The following SPTB variants were observed in gnomAD, a reference collection of about 807,000 sequenced individuals.
The protein encoded by SPTB is spectrin beta, erythrocytic.
A neutral mutation model predicts 256.2 loss-of-function variants in SPTB; 45 were observed. The ratio of observed to expected loss-of-function variants is 0.18; its 90% confidence interval spans 0.14 to 0.23. The LOEUF (loss-of-function observed/expected upper bound fraction) is 0.23, where lower values mean the gene tolerates loss of function less well. Among genes scored for constraint, SPTB ranks in the 10% least tolerant of loss-of-function variants. The pLI, the probability that SPTB is intolerant of heterozygous loss-of-function variation, is 1.00. For synonymous variants in SPTB, 1,231 were observed against 1,243.1 expected (o/e 0.99, Z 0.21); for missense variants, 2,715 against 3,040.4 (o/e 0.89, Z 2.52).
At chr14:64,788,855 T>C (rs964512985) in intron 15 of SPTB, among the ~76,000 whole-genome samples, 3 of 152,364 alleles carry the variant, frequency 2.0e-5, no homozygotes, top group South Asian at 2.1e-4. Flanking sequence ...AGTCTAGGTT[T>C]GGTCCTGGGC....
Position 64,801,356 on chromosome 14 carries a change from C to A in SPTB, c.692G>T (p.Arg231Leu). 2 of 1,614,166 alleles carry A rather than the reference C, an allele frequency of 1.2e-6. No individual in the cohort carries two copies. Among genetic ancestry groups the A allele is most frequent in the Non-Finnish European group, 1.7e-6 (2 of 1,180,014 alleles). ...ATTGAATGCGTGCTCCAGGTTGTGC[C>A]GGGCATTGGAGTCCTTCAGCTTATC... The part of the protein sequence containing the change: ...DFDKLKDSNA[R>L]HNLEHAFNVA... Residue 231 changes from arginine to leucine, a missense_variant, in exon 7 of 36, where the codon CGG becomes CTG. By Grantham distance (102) the Arg-to-Leu change is moderately radical. Transcript: ENST00000644917.
At chr14:64,810,137 A>T (rs1314289029) in intron 2 of SPTB, among the ~76,000 whole-genome samples, 1 of 152,184 alleles carries the variant, frequency 6.6e-6, no homozygotes, top group Non-Finnish European at 1.5e-5. Context: ...TTATAGTAAA[A>T]CTGTGTTGTA....
intron 33 of SPTB, among the ~76,000 whole-genome samples, chr14:64,751,964 C>T (rs571460147): frequency 4.4e-5 from 6 of 135,946 alleles, no homozygotes; most frequent in Admixed American, 2.2e-4. Context: ...CGTGGTGGCA[C>T]GTGCCTGTAA....
intron 1 of SPTB, among the ~76,000 whole-genome samples, chr14:64,869,799 C>T (rs2357866): frequency 0.81 from 114,074 of 141,164 alleles, 47,379 homozygotes; most frequent in Non-Finnish European, 0.91. Flanking sequence ...TTTTTTTTTT[C>T]TTTTTAATTT....
At chr14:64,811,055 G>A (rs569773982) in intron 2 of SPTB, among the ~76,000 whole-genome samples, 17 of 152,108 alleles carry the variant, frequency 1.1e-4, no homozygotes, top group Non-Finnish European at 1.8e-4. Context: ...TGAGGCTGTC[G>A]TGAGCTATGA....
intron 32 of SPTB, 21 bp from the exon 33 acceptor site, chr14:64,753,814 A>G (rs1299261065): frequency 1.9e-6 from 3 of 1,610,620 alleles, no homozygotes; most frequent in Non-Finnish European, 2.5e-6. Context: ...CATAGGGAGG[A>G]GCACACCTTT....
At chr14:64,836,826 T>A (rs566641869) in intron 1 of SPTB, among the ~76,000 whole-genome samples, 1 of 152,346 alleles carries the variant, frequency 6.6e-6, no homozygotes, top group African/African-American at 2.4e-5. Flanking sequence ...ACTATCCACC[T>A]TCCTAAGGAG....
intron 2 of SPTB, among the ~76,000 whole-genome samples, chr14:64,815,946 G>C (rs984253955): frequency 5.9e-5 from 9 of 152,212 alleles, no homozygotes; most frequent in African/African-American, 2.2e-4. Context: ...TGACGGAAGA[G>C]TGATATTGCC....
chr14:64,766,640 C>T (rs1474253174), intron 32 of SPTB, 86 bp downstream of exon 32: 3 of 1,612,206 alleles, frequency 1.9e-6, no homozygotes, highest in Admixed American at 3.3e-5. Context: ...CTCATCTCGC[C>T]TCCACCTGGG....
intron 1 of SPTB, among the ~76,000 whole-genome samples, chr14:64,875,768 T>C (rs1274556447): frequency 6.6e-6 from 1 of 152,230 alleles, no homozygotes; most frequent in East Asian, 1.9e-4. Flanking sequence ...CCATATGGTT[T>C]CAGAACCCAG....
At chr14:64,860,733 GCC>G (rs2083953632) in intron 1 of SPTB, among the ~76,000 whole-genome samples, 1 of 152,140 alleles carries the variant, frequency 6.6e-6, no homozygotes, top group Admixed American at 6.5e-5. Context: ...AAAAGTCCCT[GCC>G]CTAAAGAAAT....
In SPTB at chr14:64,790,040, T is replaced by TA. The variant is rs1489792859; in HGVS notation, c.2804+1678dup. Among the ~76,000 whole-genome samples the TA allele has an allele frequency of 2.0e-5, 3 of 152,128 alleles. No homozygotes were observed. On this transcript the variant is annotated intron_variant, in intron 15 of 35. Transcript: ENST00000644917. The surrounding 1 kb of genome is among the most constrained non-coding windows in gnomAD (Gnocchi z 4.8). ...CTCTCAAGGGCAGAGCCAGAATCAATATGTACGCATTTCAAGGAGGCAGAT... is the reference window on the plus strand; with the variant it reads ...CTCTCAAGGGCAGAGCCAGAATCAATAATGTACGCATTTCAAGGAGGCAGAT...
rs376130391 is a variant in SPTB, at chr14:64,750,724, C to T, written c.6603-570G>A. Among the ~76,000 whole-genome samples the T allele has an allele frequency of 9.9e-5, 15 of 150,836 alleles. No homozygotes were observed. The East Asian group carries it at 1.7e-3, about 18-fold the overall frequency. ...CCGGGAGGCGAAGCTTGTAGTGAGC[C>T]GAGATTGAGCCACTGCACTTCAGCC... is the stretch of plus-strand genomic sequence containing the variant. On this transcript the variant is annotated intron_variant, in intron 33 of 35. Transcript: ENST00000644917.
Position 64,800,762 on chromosome 14 carries a change from G to C in SPTB, c.870C>G (p.Val290=). ...GTTCCAAAACAGCTTGTACCTTGCCGACACGCTTGCCCTCCACTGCCAGCA... is the reference window on the plus strand; with the variant it reads ...GTTCCAAAACAGCTTGTACCTTGCCCACACGCTTGCCCTCCACTGCCAGCA... The part of the protein sequence containing the change: ...MKVLAVEGKR[V]GKVIDHAIET... The change falls in exon 8 of 36, where the codon GTC becomes GTG. Residue 290 remains valine, a synonymous_variant. Transcript: ENST00000644917. The C allele has an allele frequency of 6.2e-7, 1 of 1,614,010 alleles. No homozygotes were observed. Among genetic ancestry groups the C allele is most frequent in the South Asian group, 1.1e-5 (1 of 91,076 alleles).
intron 1 of SPTB, among the ~76,000 whole-genome samples, chr14:64,875,207 T>C (rs1169572422): frequency 6.6e-6 from 1 of 152,130 alleles, no homozygotes; most frequent in Non-Finnish European, 1.5e-5. Context: ...TGAAAGGTGG[T>C]CTGGGAATTT....
chr14:64,878,357 G>A (rs1006809246), intron 1 of SPTB, among the ~76,000 whole-genome samples: 3 of 152,054 alleles, frequency 2.0e-5, no homozygotes, highest in African/African-American at 7.3e-5. Context: ...TGTGTCAGGT[G>A]CTGGACATTC....
At chr14:64,871,978 G>A (rs1188421503) in intron 1 of SPTB, among the ~76,000 whole-genome samples, 1 of 152,066 alleles carries the variant, frequency 6.6e-6, no homozygotes, top group African/African-American at 2.4e-5. Flanking sequence ...TAGTATAAAC[G>A]TTGTGGGACT....
Position 64,823,865 on chromosome 14 carries a change from G to A in SPTB, c.-51-720C>T, listed in dbSNP as rs539943567. ...AGGACAGACTGAGCAACCCAAAGGAGCCTGCTGTCCCATCAAGCACGTGGC... is the reference window on the plus strand; with the variant it reads ...AGGACAGACTGAGCAACCCAAAGGAACCTGCTGTCCCATCAAGCACGTGGC... On this transcript the variant is annotated intron_variant, in intron 1 of 35. Transcript: ENST00000644917. This position sits in a 1 kb window ranked among gnomAD's most constrained non-coding sequence, Gnocchi z 6.5. Among the ~76,000 whole-genome samples the A allele has an allele frequency of 1.1e-3, 172 of 152,316 alleles. No individual in the cohort carries two copies. Among genetic ancestry groups the A allele is most frequent in the Non-Finnish European group, 1.1e-3 (74 of 68,034 alleles).
At chr14:64,782,144 G>C in intron 20 of SPTB, 146 bp downstream of exon 20, 2 of 1,179,620 alleles carry the variant, frequency 1.7e-6, no homozygotes, top group Non-Finnish European at 1.2e-6. Flanking sequence ...GTAATAATAT[G>C]TGCAATAAAC....
Sources: allele counts gnomAD v4.1 joint callset (sites outside exome capture counted in the v4.1 genomes callset), GRCh38; gene constraint gnomAD v4.1.1; non-coding constraint Gnocchi (gnomAD v3.1); transcripts MANE v1.5; gene names NCBI Gene and HGNC (gene_info 2026-07-23, HGNC 2026-07-21).